The following BMP2K variants were observed in gnomAD, a reference collection of about 807,000 sequenced individuals.
The protein encoded by BMP2K is BMP2 inducible kinase.
A neutral mutation model predicts 116.0 loss-of-function variants in BMP2K; 74 were observed. That is an observed-to-expected ratio of 0.64 (90% CI 0.53 to 0.77). The LOEUF (loss-of-function observed/expected upper bound fraction) is 0.77. BMP2K is among the 30% of genes least tolerant of loss of function. The probability of loss-of-function intolerance (pLI) is 0.00; values close to 1 mark genes in which losing one functional copy is unlikely to be tolerated. For synonymous variants in BMP2K, 486 were observed against 502.5 expected (o/e 0.97, Z 0.44); for missense variants, 1,365 against 1,403.6 (o/e 0.97, Z 0.44).
rs376958512 is a variant in BMP2K, at chr4:78,911,027, G to T, written c.2480G>T (p.Gly827Val). The T allele has an allele frequency of 1.5e-5, 25 of 1,613,592 alleles. No homozygotes were observed. The African/African-American group carries it at 2.7e-4, about 17-fold the overall frequency. The change falls in exon 16 of 16, where the codon GGA (glycine) becomes GTA (valine). Residue 827 changes from glycine (G) to valine (V), a missense_variant. Gly to Val is a moderately radical substitution (Grantham distance 109, BLOSUM62 -3). Around this residue, in one of 3 missense-constraint regions of BMP2K, gnomAD observed 596 missense variants for 623.2 expected, o/e 0.96. Transcript: ENST00000502613. Reference protein sequence around the residue: ...SSVYRDRSGSGPTQDLNTILL... With the variant: ...SSVYRDRSGSVPTQDLNTILL... ...GTCTACAGAGACAGATCTGGCAGTG[G>T]ACCAACCCAAGATCTTAATACAATA...
chr4:78,904,466 G>C (rs1056013183), intron 15 of BMP2K, among the ~76,000 whole-genome samples: 2 of 151,742 alleles, frequency 1.3e-5, no homozygotes, highest in African/African-American at 4.8e-5. Context: ...TGCAATACTT[G>C]TAATTTTCCT....
intron 10 of BMP2K, among the ~76,000 whole-genome samples, chr4:78,869,503 G>A (rs1264632827): frequency 6.6e-6 from 1 of 152,056 alleles, no homozygotes; most frequent in Non-Finnish European, 1.5e-5. Flanking sequence ...TTTCAAATAG[G>A]TAGAAAGAGG....
At chr4:78,907,361 T>G (rs1405235788) in intron 15 of BMP2K, among the ~76,000 whole-genome samples, 1 of 152,174 alleles carries the variant, frequency 6.6e-6, no homozygotes, top group African/African-American at 2.4e-5. Flanking sequence ...ATGAAAACAG[T>G]AAATTTTAAG....
chr4:78,887,433 T>C, intron 15 of BMP2K, 149 bp downstream of exon 15: 2 of 640,276 alleles, frequency 3.1e-6, no homozygotes, highest in Non-Finnish European at 5.5e-6. Flanking sequence ...CTCTTCTTAA[T>C]GATGTTCTTT....
At chr4:78,869,417 T>A (rs1298370798) in intron 10 of BMP2K, among the ~76,000 whole-genome samples, 1 of 152,062 alleles carries the variant, frequency 6.6e-6, no homozygotes, top group Non-Finnish European at 1.5e-5. Context: ...GGATATAAAA[T>A]TTTAGCTAGA....
chr4:78,877,441 C>A (rs889203815), intron 13 of BMP2K, among the ~76,000 whole-genome samples: 5 of 151,938 alleles, frequency 3.3e-5, no homozygotes, highest in Admixed American at 6.6e-5. Flanking sequence ...AACTAAGACA[C>A]AAACACACAC....
At chr4:78,898,039 T>C (rs1417271873) in intron 15 of BMP2K, among the ~76,000 whole-genome samples, 1 of 152,162 alleles carries the variant, frequency 6.6e-6, no homozygotes, top group South Asian at 2.1e-4. Context: ...ATGTTACTTA[T>C]GGTTAAGCCC....
chr4:78,853,952 G>C (rs939344976), intron 7 of BMP2K, among the ~76,000 whole-genome samples: 2 of 152,096 alleles, frequency 1.3e-5, no homozygotes, highest in African/African-American at 4.8e-5. Flanking sequence ...AGGACATGCT[G>C]TCAGACACTT....
intron 1 of BMP2K, among the ~76,000 whole-genome samples, chr4:78,817,415 A>G (rs1056084391): frequency 1.3e-5 from 2 of 152,206 alleles, no homozygotes; most frequent in African/African-American, 4.8e-5. Flanking sequence ...AATTTGCTAC[A>G]GTGACTCACA....
At chr4:78,843,692 G>A (rs117487581) in intron 4 of BMP2K, among the ~76,000 whole-genome samples, 4 of 151,922 alleles carry the variant, frequency 2.6e-5, no homozygotes, top group East Asian at 1.9e-4. Context: ...CAGGCATCTC[G>A]CCTTAATTTG....
chr4:78,781,300 G>A (rs1727492818), intron 1 of BMP2K, among the ~76,000 whole-genome samples: 1 of 152,190 alleles, frequency 6.6e-6, no homozygotes, highest in Admixed American at 6.5e-5. Flanking sequence ...AATGATGACA[G>A]TGGGGATGAA....
At chr4:78,846,195 G>C (rs75125651) in intron 5 of BMP2K, among the ~76,000 whole-genome samples, 1,588 of 151,712 alleles carry the variant, frequency 0.01, 11 homozygotes, top group Non-Finnish European at 0.015. Flanking sequence ...TTCATGAGGG[G>C]TTTTGTCCTT....
At chr4:78,874,470 TAATTGCTTAAAG>T (rs1732537515) in intron 13 of BMP2K, among the ~76,000 whole-genome samples, 1 of 152,202 alleles carries the variant, frequency 6.6e-6, no homozygotes, top group Non-Finnish European at 1.5e-5. Flanking sequence ...TTCTGCTTGA[TAATTGCTTAAAG>T]ATACTGATGA....
At chr4:78,816,981 T>TA (rs1729382616) in intron 1 of BMP2K, among the ~76,000 whole-genome samples, 1 of 152,200 alleles carries the variant, frequency 6.6e-6, no homozygotes, top group African/African-American at 2.4e-5. Flanking sequence ...AACAAATATT[T>TA]AAAAATTTAT....
chr4:78,886,311 G>A (rs1214583158), intron 14 of BMP2K, among the ~76,000 whole-genome samples: 2 of 152,184 alleles, frequency 1.3e-5, no homozygotes, highest in South Asian at 4.1e-4. Context: ...ACTCCCTTGC[G>A]TCCTTCAAGT....
intron 1 of BMP2K, among the ~76,000 whole-genome samples, chr4:78,818,925 T>C (rs1729487552): frequency 6.6e-6 from 1 of 151,744 alleles, no homozygotes. Context: ...GCCTCCTGAG[T>C]TGTTGGGATT....
chr4:78,910,739 G>A lies in BMP2K; in HGVS notation c.2192G>A (p.Gly731Asp), dbSNP rs758951246. Residue 731 changes from glycine to aspartate, a missense_variant, in exon 16 of 16, where the codon GGT (glycine) becomes GAT (aspartate). Gly to Asp is a moderately conservative substitution (Grantham distance 94, BLOSUM62 -1). Coordinates refer to ENST00000502613, the MANE Select transcript of BMP2K (RefSeq NM_198892.2). Reference protein sequence around the residue: ...QRTGKKTSVQGQVQKGNDESE... With the variant: ...QRTGKKTSVQDQVQKGNDESE... ...ACTGGAAAGAAAACCTCAGTACAGG[G>A]TCAAGTGCAAAAGGGGAATGATGAA... 1.9e-6 allele frequency: 3 copies of A among 1,613,866 alleles called. No homozygotes were observed. The highest frequency in any genetic ancestry group is 2.2e-5 in the South Asian group (2 of 91,034).
intron 10 of BMP2K, among the ~76,000 whole-genome samples, chr4:78,866,697 C>T (rs2110053128): frequency 6.6e-6 from 1 of 152,236 alleles, no homozygotes; most frequent in Middle Eastern, 3.4e-3. Context: ...GTCCCCCAGG[C>T]TGGAGTGCAA....
At chr4:78,824,013 A>G (rs964796634) in intron 1 of BMP2K, among the ~76,000 whole-genome samples, 5 of 152,190 alleles carry the variant, frequency 3.3e-5, no homozygotes, top group African/African-American at 1.2e-4. Context: ...ATATGAAATT[A>G]GTGCTAAGTG....
Sources: allele counts gnomAD v4.1 joint callset (sites outside exome capture counted in the v4.1 genomes callset), GRCh38; gene constraint gnomAD v4.1.1; regional missense constraint gnomAD v4.1.1; transcripts MANE v1.5; gene names NCBI Gene and HGNC (gene_info 2026-07-23, HGNC 2026-07-21).